CMTM8: variants seen among roughly 807,000 people sequenced by gnomAD.
CMTM8 encodes CKLF-like MARVEL transmembrane domain-containing protein 8.
In CMTM8, 12 loss-of-function variants were observed where a neutral mutation model predicts 18.6. That is an observed-to-expected ratio of 0.65 (90% CI 0.41 to 1.05). The LOEUF (loss-of-function observed/expected upper bound fraction) is 1.05. Among genes scored for constraint, CMTM8 ranks in the 50% least tolerant of loss-of-function variants. The pLI, the probability that CMTM8 is intolerant of heterozygous loss-of-function variation, is 0.00. For synonymous variants in CMTM8, 87 were observed against 90.6 expected, an observed-to-expected ratio of 0.96 and a Z score of 0.23; for missense variants, 217 against 227.2, an observed-to-expected ratio of 0.95 and a Z score of 0.29.
At chr3:32,331,194 G>A (rs1043924576) in intron 1 of CMTM8, among the ~76,000 whole-genome samples, 1 of 152,130 alleles carries the variant, frequency 6.6e-6, no homozygotes, top group Non-Finnish European at 1.5e-5. Context: ...ATATGCAAAT[G>A]CCAACAAGCA....
chr3:32,243,274 C>T (rs1392125766), intron 1 of CMTM8, among the ~76,000 whole-genome samples: 1 of 151,764 alleles, frequency 6.6e-6, no homozygotes, highest in Admixed American at 6.6e-5. Flanking sequence ...TTCACACCTG[C>T]AGTCCCAGCA....
rs1160851350 is a variant in CMTM8, at chr3:32,342,317, G to A, written c.148-15056G>A. On this transcript the variant is annotated intron_variant, in intron 1 of 3. Transcript: ENST00000307526. ...GTGGGTCAAATGAGGTAAGGTACAAGAAGTGTTTCCTTATTCCATAGTAGA... is the reference window on the plus strand; with the variant it reads ...GTGGGTCAAATGAGGTAAGGTACAAAAAGTGTTTCCTTATTCCATAGTAGA... Among the ~76,000 whole-genome samples the A allele has an allele frequency of 2.0e-5, 3 of 152,170 alleles. No individual in the cohort carries two copies. In the East Asian group the frequency reaches 5.8e-4, roughly 29 times the overall value.
At chr3:32,247,176 G>A (rs1387815512) in intron 1 of CMTM8, among the ~76,000 whole-genome samples, 1 of 152,162 alleles carries the variant, frequency 6.6e-6, no homozygotes, top group East Asian at 1.9e-4. Flanking sequence ...AGAGTTCTAT[G>A]AGTTTTGGCA....
chr3:32,249,827 CTG>C (rs1346504760), intron 1 of CMTM8, among the ~76,000 whole-genome samples: 3 of 152,170 alleles, frequency 2.0e-5, no homozygotes, highest in African/African-American at 7.2e-5. Context: ...CCCATTCTGT[CTG>C]TTATCTTTTC....
At chr3:32,268,185 G>A (rs1005894634) in intron 1 of CMTM8, among the ~76,000 whole-genome samples, 2 of 152,132 alleles carry the variant, frequency 1.3e-5, no homozygotes, top group East Asian at 1.9e-4. Context: ...CAAAGACTTC[G>A]AACCAAGCCA....
intron 1 of CMTM8, among the ~76,000 whole-genome samples, chr3:32,276,280 G>T (rs1011461103): frequency 3.3e-5 from 5 of 152,124 alleles, no homozygotes; most frequent in African/African-American, 1.2e-4. Context: ...TTCAGTGAGG[G>T]GGTGCAGAGA....
At chr3:32,357,199 G>C (rs1285047841) in intron 1 of CMTM8, among the ~76,000 whole-genome samples, 174 bp from the exon 2 acceptor site, 4 of 152,146 alleles carry the variant, frequency 2.6e-5, no homozygotes, top group African/African-American at 7.2e-5. Flanking sequence ...AGCCAAGATT[G>C]CTCCATGGCA....
intron 1 of CMTM8, among the ~76,000 whole-genome samples, chr3:32,256,753 T>C (rs1226589748): frequency 2.0e-5 from 3 of 152,206 alleles, no homozygotes; most frequent in Non-Finnish European, 4.4e-5. Context: ...CTGGGAGGAC[T>C]TAGGGAGACA....
chr3:32,285,894 T>C (rs899821299), intron 1 of CMTM8, among the ~76,000 whole-genome samples: 2 of 152,176 alleles, frequency 1.3e-5, no homozygotes, highest in African/African-American at 4.8e-5. Context: ...CCTAGCACAG[T>C]GTGTGGCACC....
At chr3:32,272,331 T>TA (rs1272536971) in intron 1 of CMTM8, among the ~76,000 whole-genome samples, 1 of 152,216 alleles carries the variant, frequency 6.6e-6, no homozygotes, top group African/African-American at 2.4e-5. Flanking sequence ...TTGAGATTCT[T>TA]AGATCTAATT....
intron 1 of CMTM8, among the ~76,000 whole-genome samples, 190 bp from the exon 2 acceptor site, chr3:32,357,183 G>T (rs1377758586): frequency 2.6e-5 from 4 of 152,190 alleles, no homozygotes; most frequent in Non-Finnish European, 5.9e-5. Context: ...GGTGGAGGTT[G>T]CAGTGAGCCA....
intron 1 of CMTM8, among the ~76,000 whole-genome samples, chr3:32,294,890 A>T (rs1429843382): frequency 6.6e-6 from 1 of 150,726 alleles, no homozygotes; most frequent in Non-Finnish European, 1.5e-5. Flanking sequence ...CCCCATCTCT[A>T]CTAAAACTAC....
chr3:32,367,051 T>C (rs1253697436), intron 2 of CMTM8, among the ~76,000 whole-genome samples: 1 of 152,124 alleles, frequency 6.6e-6, no homozygotes, highest in Non-Finnish European at 1.5e-5. Flanking sequence ...TACCCCTTCC[T>C]CTGTCTCCAA....
At chr3:32,304,164 A>G (rs991799679) in intron 1 of CMTM8, among the ~76,000 whole-genome samples, 7 of 152,360 alleles carry the variant, frequency 4.6e-5, no homozygotes, top group African/African-American at 1.7e-4. Context: ...TGATCGCATG[A>G]TAATTGGTTG....
chr3:32,366,998 T>A (rs894017492), intron 2 of CMTM8, among the ~76,000 whole-genome samples: 7 of 152,212 alleles, frequency 4.6e-5, no homozygotes, highest in Admixed American at 3.3e-4. Context: ...CTATGTAGCT[T>A]TTTTTTCTCT....
chr3:32,352,192 C>T (rs1392534060), intron 1 of CMTM8, among the ~76,000 whole-genome samples: 2 of 131,660 alleles, frequency 1.5e-5, no homozygotes, highest in Non-Finnish European at 3.2e-5. Context: ...AACACACACA[C>T]ACACACACTC....
chr3:32,357,841 A>G (rs1696845332), intron 2 of CMTM8, among the ~76,000 whole-genome samples: 1 of 152,190 alleles, frequency 6.6e-6, no homozygotes, highest in Non-Finnish European at 1.5e-5. Context: ...TTCTCATTTT[A>G]TTATTTCCCT....
chr3:32,252,118 C>T (rs1263108088), intron 1 of CMTM8, among the ~76,000 whole-genome samples: 1 of 152,086 alleles, frequency 6.6e-6, no homozygotes. Context: ...AATTTACCGT[C>T]TTAAATTTTA....
chr3:32,370,152 C>T lies in CMTM8; in HGVS notation c.*185C>T, dbSNP rs1366281353. ...GATACTTATTTGCAAAGTGTTGTAGCTTATAATGAACTCTTAAGTATCTTA... is the reference window on the plus strand; with the variant it reads ...GATACTTATTTGCAAAGTGTTGTAGTTTATAATGAACTCTTAAGTATCTTA... On this transcript the variant is annotated 3_prime_UTR_variant, in exon 4 of 4. Coordinates refer to ENST00000307526, the MANE Select transcript of CMTM8 (RefSeq NM_178868.5). The T allele has an allele frequency of 2.8e-6, 1 of 355,842 alleles. No homozygotes were observed. The allele number at this position is 355,842 out of a possible 1,614,324, so 22.0% of individuals were successfully genotyped here. A position where few individuals can be genotyped will look rare whatever the true frequency, so the allele number is the denominator to read the frequency against.
Sources: allele counts gnomAD v4.1 joint callset (sites outside exome capture counted in the v4.1 genomes callset), GRCh38; gene constraint gnomAD v4.1.1; transcripts MANE v1.5; gene names NCBI Gene and HGNC (gene_info 2026-07-23, HGNC 2026-07-21).